The following DSTYK variants were observed in gnomAD, a reference collection of about 807,000 sequenced individuals.
The protein encoded by DSTYK is dual serine/threonine and tyrosine protein kinase, also known as RIP-homologous kinase.
In DSTYK, 34 loss-of-function variants were observed where a neutral mutation model predicts 98.7. The ratio of observed to expected loss-of-function variants is 0.34; its 90% CI spans 0.26 to 0.46. The LOEUF (loss-of-function observed/expected upper bound fraction) is 0.46. Ranked by LOEUF, DSTYK falls within the 20% of genes least tolerant of loss-of-function variation. The pLI is 1.00. For missense variants in DSTYK, 962 were observed against 1,181.7 expected, an observed-to-expected ratio of 0.81 and a Z score of 2.73; for synonymous variants, 462 against 457.3, an observed-to-expected ratio of 1.01 and a Z score of -0.13.
chr1:205,198,461 A>G (rs1312013949), intron 1 of DSTYK, among the ~76,000 whole-genome samples: 3 of 152,208 alleles, frequency 2.0e-5, no homozygotes, highest in African/African-American at 7.2e-5. Context: ...GGGTTCTTAT[A>G]TACTAAAAAA....
chr1:205,204,016 T>C (rs1175176693), intron 1 of DSTYK, among the ~76,000 whole-genome samples: 1 of 151,918 alleles, frequency 6.6e-6, no homozygotes, highest in Non-Finnish European at 1.5e-5. Flanking sequence ...AGGGAAAGGG[T>C]GCAAAGAGCC....
chr1:205,162,259 AC>A (rs1657749486), intron 5 of DSTYK, 47 bp from the exon 6 acceptor site: 2 of 1,598,214 alleles, frequency 1.3e-6, no homozygotes, highest in African/African-American at 2.7e-5. Context: ...AGAGACAAGA[AC>A]CACTACAAAG....
At chr1:205,201,404 G>GA (rs1491178320) in intron 1 of DSTYK, among the ~76,000 whole-genome samples, 1,084 of 54,150 alleles carry the variant, frequency 0.02, 18 homozygotes, top group African/African-American at 0.041. Flanking sequence ...TTTTTTTAAT[G>GA]CAAAAAAAAA....
intron 5 of DSTYK, among the ~76,000 whole-genome samples, 182 bp from the exon 6 acceptor site, chr1:205,162,394 GA>G (rs1169861609): frequency 7.2e-5 from 11 of 152,224 alleles, no homozygotes; most frequent in Non-Finnish European, 1.2e-4. Flanking sequence ...CTAGCCCAGA[GA>G]AAAGCATCAA....
chr1:205,151,916 G>T (rs1174803180), intron 10 of DSTYK, among the ~76,000 whole-genome samples: 1 of 151,590 alleles, frequency 6.6e-6, no homozygotes. Flanking sequence ...GTCCTTACTG[G>T]TTTATATATT....
At chr1:205,199,597 C>T (rs966772817) in intron 1 of DSTYK, among the ~76,000 whole-genome samples, 6 of 152,160 alleles carry the variant, frequency 3.9e-5, no homozygotes, top group Admixed American at 6.5e-5. Flanking sequence ...AACCTCCAAG[C>T]CTGGGAATGG....
intron 1 of DSTYK, among the ~76,000 whole-genome samples, chr1:205,198,465 T>TA (rs1558625064): frequency 6.6e-6 from 1 of 152,126 alleles, no homozygotes; most frequent in African/African-American, 2.4e-5. Flanking sequence ...TCTTATATAC[T>TA]AAAAAATAAG....
chr1:205,193,926 A>C lies in DSTYK; in HGVS notation c.266-6120T>G, dbSNP rs77552129. On this transcript the variant is annotated intron_variant, in intron 1 of 12. Coordinates refer to ENST00000367162, the MANE Select transcript of DSTYK (RefSeq NM_015375.3). Reference sequence around the variant, plus strand: ...AATCCTCTTCTCTGAAGCAAGCCATAAAACTAGAAAGGTTGCTCTCTTTTC... The same window carrying C: ...AATCCTCTTCTCTGAAGCAAGCCATCAAACTAGAAAGGTTGCTCTCTTTTC... Among the ~76,000 whole-genome samples the C allele has an allele frequency of 7.6e-4, 116 of 152,054 alleles. 2 individuals are homozygous for C. In the East Asian group the frequency reaches 0.021, roughly 27 times the overall value.
chr1:205,150,985 C>G lies in DSTYK; in HGVS notation c.2353-191G>C, dbSNP rs899057100. Among the ~76,000 whole-genome samples the G allele has an allele frequency of 6.6e-6, 1 of 152,174 alleles. No individual in the cohort carries two copies. Among genetic ancestry groups the G allele is most frequent in the Non-Finnish European group, 1.5e-5 (1 of 68,038 alleles). On this transcript the variant is annotated intron_variant, in intron 10 of 12. Coordinates refer to ENST00000367162, the MANE Select transcript of DSTYK (RefSeq NM_015375.3). This position sits in a 1 kb window ranked among gnomAD's most constrained non-coding sequence, Gnocchi z 4.1. ...GCTTACACCAACCCAGATGGTATACCTGCTACACACCTAGTATGGTCTTTT... is the reference window on the plus strand; with the variant it reads ...GCTTACACCAACCCAGATGGTATACGTGCTACACACCTAGTATGGTCTTTT...
chr1:205,151,512 C>T (rs6664360), intron 10 of DSTYK, among the ~76,000 whole-genome samples: 44,774 of 151,782 alleles, frequency 0.29, 7,072 homozygotes, highest in South Asian at 0.41. Context: ...TGTGCTCTGT[C>T]GTCCAGGCTG....
In DSTYK at chr1:205,146,573, A is replaced by ATT. The variant is rs146051023; in HGVS notation, c.*983_*984dup. On this transcript the variant is annotated 3_prime_UTR_variant, in exon 13 of 13. Coordinates refer to ENST00000367162, the MANE Select transcript of DSTYK (RefSeq NM_015375.3). ...ACACAAATATATGCATACACATTCT[A>ATT]TTTTTTTTTTTTTTTTGAGACAGAG... is the stretch of plus-strand genomic sequence containing the variant. The ATT allele has an allele frequency of 0.023, 3,133 of 138,130 alleles. 64 individuals are homozygous for ATT. The highest frequency in any genetic ancestry group is 0.069 in the East Asian group (329 of 4,750). The allele number at this position is 138,130 out of a possible 1,614,324, so 8.6% of individuals were successfully genotyped here. A position where few individuals can be genotyped will look rare whatever the true frequency, so the allele number is the denominator to read the frequency against.
chr1:205,201,731 TCAG>T (rs1020832512), intron 1 of DSTYK, among the ~76,000 whole-genome samples: 2 of 152,136 alleles, frequency 1.3e-5, no homozygotes, highest in Non-Finnish European at 2.9e-5. Context: ...CACAATCTTG[TCAG>T]CAGGCTAAGA....
At chr1:205,199,213 A>G (rs1409583186) in intron 1 of DSTYK, among the ~76,000 whole-genome samples, 6 of 152,098 alleles carry the variant, frequency 3.9e-5, no homozygotes, top group Admixed American at 1.3e-4. Context: ...ATAAAGCCCA[A>G]CTCCAAAGAA....
rs1015002520 is a variant in DSTYK at position 205,146,773 on chromosome 1, A to G, written c.*785T>C. The G allele has an allele frequency of 6.6e-6, 1 of 151,452 alleles. No individual in the cohort carries two copies. The highest frequency in any genetic ancestry group is 2.4e-5 in the African/African-American group (1 of 41,168). 9.4% of individuals were successfully genotyped at this position (151,452 alleles called of 1,614,324 possible). A position where few individuals can be genotyped will look rare whatever the true frequency, so the allele number is the denominator to read the frequency against. On this transcript the variant is annotated 3_prime_UTR_variant, in exon 13 of 13. Coordinates refer to ENST00000367162, the MANE Select transcript of DSTYK (RefSeq NM_015375.3). The stretch of plus-strand genomic sequence containing the variant: ...TCTTTAGTAGAGACGGGGTTTCACC[A>G]TGTTGGCCAGGCTGCTCTTGAACTC...
At chr1:205,199,605 T>C (rs1463988408) in intron 1 of DSTYK, among the ~76,000 whole-genome samples, 1 of 152,164 alleles carries the variant, frequency 6.6e-6, no homozygotes, top group Non-Finnish European at 1.5e-5. Flanking sequence ...AGCCTGGGAA[T>C]GGCCTATACT....
intron 1 of DSTYK, among the ~76,000 whole-genome samples, chr1:205,205,861 C>A (rs757652915): frequency 5.9e-5 from 9 of 152,160 alleles, no homozygotes; most frequent in Non-Finnish European, 8.8e-5. Context: ...TAGCTGTAAG[C>A]TCACCAAAGG....
intron 1 of DSTYK, among the ~76,000 whole-genome samples, chr1:205,189,074 CT>C (rs1344136788): frequency 6.6e-6 from 1 of 151,962 alleles, no homozygotes. Context: ...TGTACAATTA[CT>C]ATGTGTCAAT....
In DSTYK at chr1:205,169,877, C is replaced by A; in HGVS notation, c.655-45G>T. 2 of 1,536,192 alleles carry A rather than the reference C, an allele frequency of 1.3e-6. No homozygotes were observed. Among genetic ancestry groups the A allele is most frequent in the Non-Finnish European group, 1.7e-6 (2 of 1,144,496 alleles). ...ATATATCAGCGCCTCAGGGTCAGAA[C>A]CAATCCCTGTCTCCCCAAAGTCCCA... On this transcript the variant is annotated intron_variant, in intron 2 of 12. Transcript: ENST00000367162. This position sits in a 1 kb window ranked among gnomAD's most constrained non-coding sequence, Gnocchi z 4.0.
chr1:205,194,397 A>C (rs1444878295), intron 1 of DSTYK, among the ~76,000 whole-genome samples: 1 of 152,198 alleles, frequency 6.6e-6, no homozygotes, highest in Non-Finnish European at 1.5e-5. Flanking sequence ...TTGGTGAAAT[A>C]GAAAATGCTT....
Sources: allele counts gnomAD v4.1 joint callset (sites outside exome capture counted in the v4.1 genomes callset), GRCh38; gene constraint gnomAD v4.1.1; non-coding constraint Gnocchi (gnomAD v3.1); transcripts MANE v1.5; gene names NCBI Gene and HGNC (gene_info 2026-07-23, HGNC 2026-07-21).